The following ATP10B variants were observed in gnomAD, a reference collection of about 807,000 sequenced individuals.
ATP10B encodes phospholipid-transporting ATPase VB.
A neutral mutation model predicts 141.2 loss-of-function variants in ATP10B; 122 were observed. That is an observed-to-expected ratio of 0.86 (90% CI 0.75 to 1.00). The LOEUF is 1.00. Ranked by LOEUF, ATP10B falls within the 50% of genes least tolerant of loss-of-function variation. The probability of loss-of-function intolerance (pLI) is 0.00; values close to 1 mark genes in which losing one functional copy is unlikely to be tolerated. For synonymous variants in ATP10B, 685 were observed against 692.0 expected (o/e 0.99, Z 0.16); for missense variants, 1,876 against 1,825.3 (o/e 1.03, Z -0.51).
At chr5:160,586,877 T>C (rs1255297724) in intron 24 of ATP10B, among the ~76,000 whole-genome samples, 1 of 152,244 alleles carries the variant, frequency 6.6e-6, no homozygotes, top group South Asian at 2.1e-4. Flanking sequence ...CTTTGTCAGA[T>C]GGTTAGATTA....
At chr5:160,696,871 C>T (rs909646758) in intron 3 of ATP10B, among the ~76,000 whole-genome samples, 5 of 152,158 alleles carry the variant, frequency 3.3e-5, no homozygotes, top group Admixed American at 2.6e-4. Context: ...ATTTCTTATC[C>T]ATTTTGCTTT....
At position 160,615,892 on chromosome 5, in the gene ATP10B, C is replaced by A; in HGVS notation, c.2599G>T (p.Asp867Tyr). ...REAEASLDNR[D>Y]ELLMETAQHL... ...TGTGCAGTTTCCATGAGAAGCTCAT[C>A]TCGGTTGTCGAGGGATGCCTCAGCC... Residue 867 changes from aspartate to tyrosine, a missense_variant, in exon 17 of 26, where the codon GAT becomes TAT. By Grantham distance (160) the Asp-to-Tyr change is radical (BLOSUM62 -3). Coordinates refer to ENST00000327245, the MANE Select transcript of ATP10B (RefSeq NM_025153.3). 1 of 1,614,020 alleles carries A rather than the reference C, an allele frequency of 6.2e-7. No homozygotes were observed. The highest frequency in any genetic ancestry group is 8.5e-7 in the Non-Finnish European group (1 of 1,179,912).
At chr5:160,904,012 C>T in the ATP10B span, among the ~76,000 whole-genome samples, 1 of 152,108 alleles carries the variant, frequency 6.6e-6, no homozygotes, top group Non-Finnish European at 1.5e-5. Context: ...GTACTGATGG[C>T]GTCAGCAGTA....
chr5:160,737,198 T>G (rs1446134886), intron 2 of ATP10B, among the ~76,000 whole-genome samples: 1 of 152,158 alleles, frequency 6.6e-6, no homozygotes, highest in Non-Finnish European at 1.5e-5. Flanking sequence ...TTTGACAAAA[T>G]TCAACATCCA....
chr5:160,873,633 T>C, the ATP10B span, among the ~76,000 whole-genome samples: 1 of 152,130 alleles, frequency 6.6e-6, no homozygotes, highest in Non-Finnish European at 1.5e-5. Flanking sequence ...CGGGTTCATC[T>C]CACTAGGGAG....
intron 7 of ATP10B, among the ~76,000 whole-genome samples, chr5:160,650,084 G>A (rs1760603700): frequency 6.6e-6 from 1 of 150,826 alleles, no homozygotes. Flanking sequence ...ACTCTAGCCT[G>A]GCAGAGCAAG....
At position 160,565,729 on chromosome 5, in the gene ATP10B, T is replaced by C. The variant is rs111853461; in HGVS notation, c.4110A>G (p.Ser1370=). The C allele has an allele frequency of 1.4e-5, 22 of 1,614,052 alleles. No homozygotes were observed. The African/African-American group carries it at 2.0e-4, about 15-fold the overall frequency. The change falls in exon 26 of 26, where the codon TCA becomes TCG. Residue 1370 remains serine, a synonymous_variant. Coordinates refer to ENST00000327245, the MANE Select transcript of ATP10B (RefSeq NM_025153.3). The part of the protein sequence containing the change: ...EVARPTHHPV[S]SITGQDFSAS... ...CACTGAAGTCCTGTCCTGTGATAGA[T>C]GACACTGGGTGGTGAGTTGGTCGAG...
chr5:160,830,665 T>C (rs1271465680), intron 1 of ATP10B, among the ~76,000 whole-genome samples: 1 of 152,078 alleles, frequency 6.6e-6, no homozygotes, highest in Non-Finnish European at 1.5e-5. Context: ...ACTCTGGATT[T>C]TTTTTTTAAG....
chr5:160,715,404 TG>T (rs1372688484), intron 3 of ATP10B, among the ~76,000 whole-genome samples: 2 of 143,554 alleles, frequency 1.4e-5, no homozygotes, highest in African/African-American at 5.2e-5. Context: ...CCCCTTTCTT[TG>T]ACTCGGAAAG....
chr5:160,585,850 C>G (rs1345914450), intron 24 of ATP10B, among the ~76,000 whole-genome samples: 2 of 152,152 alleles, frequency 1.3e-5, no homozygotes, highest in African/African-American at 4.8e-5. Flanking sequence ...GTATTGCAGC[C>G]TCTTCTGGTG....
At chr5:160,873,963 C>T in the ATP10B span, among the ~76,000 whole-genome samples, 1 of 152,232 alleles carries the variant, frequency 6.6e-6, no homozygotes, top group Non-Finnish European at 1.5e-5. Flanking sequence ...GGGGGAGGGG[C>T]GCCTGCCATT....
chr5:160,626,590 T>C (rs1315156621), intron 13 of ATP10B, among the ~76,000 whole-genome samples: 1 of 152,234 alleles, frequency 6.6e-6, no homozygotes, highest in Non-Finnish European at 1.5e-5. Flanking sequence ...TTTAACGCTA[T>C]GCCAACATTT....
At chr5:160,797,490 C>T (rs1368485631) in intron 1 of ATP10B, among the ~76,000 whole-genome samples, 1 of 152,194 alleles carries the variant, frequency 6.6e-6, no homozygotes, top group East Asian at 1.9e-4. Context: ...TTTGTTTCCA[C>T]TGCCGATCTT....
chr5:160,765,736 G>T (rs7701071), intron 2 of ATP10B, among the ~76,000 whole-genome samples: 39,571 of 151,996 alleles, frequency 0.26, 6,210 homozygotes, highest in East Asian at 0.42. Flanking sequence ...AAAAGCTTCT[G>T]CTCAGCAAAT....
At chr5:160,736,195 G>A (rs940306208) in intron 2 of ATP10B, among the ~76,000 whole-genome samples, 6 of 151,906 alleles carry the variant, frequency 3.9e-5, no homozygotes, top group African/African-American at 1.4e-4. Flanking sequence ...TTGGTTTTTT[G>A]AAAAGTTAAA....
rs185469422 is a variant in ATP10B, at chr5:160,791,302, C to T, written c.-575-5499G>A. Among the ~76,000 whole-genome samples the T allele has an allele frequency of 1.4e-3, 219 of 152,176 alleles. 1 individual carries two copies. Among genetic ancestry groups the T allele is most frequent in the Non-Finnish European group, 1.5e-3 (102 of 67,992 alleles). On this transcript the variant is annotated intron_variant, in intron 1 of 25. Coordinates refer to ENST00000327245, the MANE Select transcript of ATP10B (RefSeq NM_025153.3). ...CTAAGTTTTTGGTAATATGTTAGGGCAGCAATAGGAAATTAATATGCTGAC... is the reference window on the plus strand; with the variant it reads ...CTAAGTTTTTGGTAATATGTTAGGGTAGCAATAGGAAATTAATATGCTGAC...
At chr5:160,766,626 C>T (rs1225092555) in intron 2 of ATP10B, among the ~76,000 whole-genome samples, 1 of 152,106 alleles carries the variant, frequency 6.6e-6, no homozygotes, top group Non-Finnish European at 1.5e-5. Context: ...ATAAAGACTA[C>T]ACATTGGGTG....
intron 6 of ATP10B, among the ~76,000 whole-genome samples, chr5:160,682,883 C>G (rs1006946106): frequency 6.6e-6 from 1 of 151,280 alleles, no homozygotes; most frequent in Admixed American, 6.6e-5. Flanking sequence ...ACTAAAAATA[C>G]AAAAAATTAG....
At chr5:160,881,879 A>G in the ATP10B span, among the ~76,000 whole-genome samples, 979 of 152,288 alleles carry the variant, frequency 6.4e-3, 15 homozygotes, top group African/African-American at 0.022. Context: ...ATTTCCTTCT[A>G]TAAGTGAATG....
Sources: allele counts gnomAD v4.1 joint callset (sites outside exome capture counted in the v4.1 genomes callset), GRCh38; gene constraint gnomAD v4.1.1; transcripts MANE v1.5; gene names NCBI Gene and HGNC (gene_info 2026-07-23, HGNC 2026-07-21).